AADAT: variants seen among roughly 807,000 people sequenced by gnomAD.
AADAT encodes the protein kynurenine/alpha-aminoadipate aminotransferase, mitochondrial.
A neutral mutation model predicts 56.2 loss-of-function variants in AADAT; 25 were observed. The observed-to-expected ratio is 0.44, with a 90% CI of 0.32 to 0.62. The LOEUF is 0.62. AADAT is among the 20% of genes least tolerant of loss of function. The pLI is 0.04. For synonymous variants in AADAT, 173 were observed against 164.7 expected, an observed-to-expected ratio of 1.05 and a Z score of -0.39; for missense variants, 387 against 510.5, an observed-to-expected ratio of 0.76 and a Z score of 2.33.
At chr4:170,073,093 A>G in intron 5 of AADAT, 43 bp downstream of exon 5, 4 of 1,584,468 alleles carry the variant, frequency 2.5e-6, no homozygotes, top group Non-Finnish European at 3.5e-6. Context: ...AAAGTCACAG[A>G]GAAACAGGAA....
intron 10 of AADAT, among the ~76,000 whole-genome samples, chr4:170,065,644 G>A (rs1043385960): frequency 2.6e-5 from 4 of 152,014 alleles, no homozygotes; most frequent in Admixed American, 2.6e-4. Context: ...GAGATTACAG[G>A]TGCCCGCCAT....
intron 3 of AADAT, among the ~76,000 whole-genome samples, chr4:170,080,557 C>T (rs1387514538): frequency 6.6e-6 from 1 of 152,144 alleles, no homozygotes; most frequent in African/African-American, 2.4e-5. Flanking sequence ...CACTGTAACT[C>T]AGCGAAAGGC....
rs181551841 is a variant in AADAT at position 170,071,893 on chromosome 4, T to C, written c.655-1241A>G. Reference sequence around the variant, plus strand: ...GACAGGAATAAAGGGTAACCATTCATAGTTGCACTCTTTATGGAGATGGAG... The same window carrying C: ...GACAGGAATAAAGGGTAACCATTCACAGTTGCACTCTTTATGGAGATGGAG... On this transcript the variant is annotated intron_variant, in intron 5 of 12. Transcript: ENST00000337664. 9.9e-5 allele frequency among the ~76,000 whole-genome samples: 15 copies of C among 152,244 alleles called. No homozygotes were observed. The East Asian group carries it at 1.9e-3, about 20-fold the overall frequency.
At chr4:170,093,254 C>T (rs759515236), upstream of AADAT, among the ~76,000 whole-genome samples, 12 of 152,124 alleles carry the variant, frequency 7.9e-5, no homozygotes, top group African/African-American at 2.7e-4. Context: ...CATGGCAAAA[C>T]CCCATCTCTA....
chr4:170,094,025 T>A (rs1732939315), upstream of AADAT, among the ~76,000 whole-genome samples: 1 of 152,226 alleles, frequency 6.6e-6, no homozygotes, highest in South Asian at 2.1e-4. Flanking sequence ...GTGCAGGTTT[T>A]CAACCCTTAA....
At chr4:170,067,697 T>C (rs1731539313) in intron 8 of AADAT, among the ~76,000 whole-genome samples, 1 of 152,200 alleles carries the variant, frequency 6.6e-6, no homozygotes, top group Non-Finnish European at 1.5e-5. Context: ...TAAGTTAACT[T>C]TTCTGAGTCC....
At chr4:170,061,857 A>G in intron 12 of AADAT, 35 bp downstream of exon 12, 1 of 1,483,098 alleles carries the variant, frequency 6.7e-7, no homozygotes, top group Non-Finnish European at 9.3e-7. Context: ...CAGAACTGCT[A>G]GCTAGTGTTA....
intron 3 of AADAT, among the ~76,000 whole-genome samples, chr4:170,079,652 G>A (rs577980747): frequency 3.3e-5 from 5 of 152,278 alleles, no homozygotes; most frequent in East Asian, 3.9e-4. Flanking sequence ...GGACAATAGG[G>A]AAATGAGGAA....
upstream of AADAT, among the ~76,000 whole-genome samples, chr4:170,091,263 G>A (rs1247180860): frequency 1.3e-5 from 2 of 152,300 alleles, no homozygotes; most frequent in Admixed American, 1.3e-4. Context: ...GGGCTGTGCG[G>A]GCGCTTGCGA....
At position 170,088,454 on chromosome 4, in the gene AADAT, T is replaced by C. The variant is rs1172181698; in HGVS notation, c.178A>G (p.Thr60Ala). The part of the protein sequence containing the change: ...TAVITVENGK[T>A]IQFGEEMMKR... ...ATCATCTCTTCTCCAAATTGGATGG[T>C]CTTTCCATTTTCTACAGTGATTACG... Residue 60 changes from threonine to alanine, a missense_variant, in exon 2 of 13, where the codon ACC becomes GCC. By Grantham distance (58) the Thr-to-Ala change is moderately conservative (BLOSUM62 0). Transcript: ENST00000337664. 4 of 1,613,194 alleles carry C rather than the reference T, an allele frequency of 2.5e-6. No homozygotes were observed. In the South Asian group the frequency reaches 4.4e-5, roughly 18 times the overall value.
upstream of AADAT, among the ~76,000 whole-genome samples, chr4:170,092,484 C>T (rs944541052): frequency 3.3e-5 from 5 of 152,344 alleles, no homozygotes; most frequent in Admixed American, 1.3e-4. Context: ...GGAACAAACT[C>T]TGGACACACT....
chr4:170,082,517 G>C (rs1732367926), intron 3 of AADAT, among the ~76,000 whole-genome samples: 1 of 152,084 alleles, frequency 6.6e-6, no homozygotes, highest in South Asian at 2.1e-4. Flanking sequence ...AGGAAGAAAA[G>C]AAGAGAGGAG....
chr4:170,069,699 T>C (rs867493041), intron 6 of AADAT, among the ~76,000 whole-genome samples: 14 of 152,178 alleles, frequency 9.2e-5, no homozygotes, highest in Middle Eastern at 3.4e-3. Context: ...TTAGTCAACA[T>C]GAAAGACTGA....
At chr4:170,072,993 CT>C (rs1731847551) in intron 5 of AADAT, 142 bp downstream of exon 5, 1 of 680,708 alleles carries the variant, frequency 1.5e-6, no homozygotes, top group South Asian at 2.5e-5. Flanking sequence ...TATTAGGACC[CT>C]GAGCATATAT....
chr4:170,093,018 AG>A (rs1310416881), upstream of AADAT, among the ~76,000 whole-genome samples: 1 of 152,236 alleles, frequency 6.6e-6, no homozygotes, highest in Non-Finnish European at 1.5e-5. Context: ...AATAAGGTGT[AG>A]ATCAAGGTAA....
upstream of AADAT, among the ~76,000 whole-genome samples, chr4:170,092,153 T>G (rs1732868583): frequency 6.6e-6 from 1 of 152,248 alleles, no homozygotes; most frequent in African/African-American, 2.4e-5. Context: ...GCAGGCTGCC[T>G]CAGCCACCAG....
At chr4:170,089,462 G>T (rs1581601942) in intron 1 of AADAT, 162 bp downstream of exon 1, 2 of 765,200 alleles carry the variant, frequency 2.6e-6, no homozygotes, top group East Asian at 2.5e-5. Flanking sequence ...TGAGAACAAA[G>T]GCTGTGTCTA....
At chr4:170,070,493 T>A (rs1731704185) in intron 6 of AADAT, 94 bp downstream of exon 6, 1 of 826,900 alleles carries the variant, frequency 1.2e-6, no homozygotes, top group Admixed American at 2.6e-5. Flanking sequence ...AGTGGATTAG[T>A]TCTGACTCAG....
upstream of AADAT, among the ~76,000 whole-genome samples, chr4:170,093,807 A>C (rs1732936214): frequency 1.3e-5 from 2 of 152,222 alleles, no homozygotes; most frequent in African/African-American, 2.4e-5. Context: ...TATGTTGCCC[A>C]GTCTAGTCTT....
Sources: gnomAD v4.1 joint callset for allele counts (sites outside exome capture counted in the v4.1 genomes callset) on GRCh38, gnomAD v4.1.1 for gene constraint, MANE v1.5 for transcripts, NCBI Gene and HGNC (gene_info 2026-07-23, HGNC 2026-07-21) for gene names.